OTOGL: variants seen among roughly 807,000 people sequenced by gnomAD.
The protein encoded by OTOGL is otogelin like, also known as otogelin-like protein.
Under a neutral mutation model 318.5 loss-of-function variants are expected in OTOGL, and 285 were observed. The observed-to-expected ratio is 0.89, with a 90% CI of 0.81 to 0.99. OTOGL has a LOEUF of 0.99. OTOGL is among the 50% of genes least tolerant of loss of function. The pLI is 0.00. For missense variants in OTOGL, 2,899 were observed against 2,845.6 expected (o/e 1.02, Z -0.43); for synonymous variants, 987 against 936.5 (o/e 1.05, Z -0.99).
chr12:80,318,670 TTA>T lies in OTOGL; in HGVS notation c.3761_3762del (p.Tyr1254PhefsTer24). 2 of 1,439,276 alleles carry T rather than the reference TTA, an allele frequency of 1.4e-6. No individual in the cohort carries two copies. Among genetic ancestry groups the T allele is most frequent in the African/African-American group, 3.0e-5 (2 of 67,776 alleles). 89.2% of individuals were successfully genotyped at this position (1,439,276 alleles called of 1,614,324 possible). A position where few individuals can be genotyped will look rare whatever the true frequency, so the allele number is the denominator to read the frequency against. ...GCAGTGTTCATACCAGTTTATTTTTTTATTTTATGATCACTCCAGGCCTTTTC... is the reference window on the plus strand; with the variant it reads ...GCAGTGTTCATACCAGTTTATTTTTTTTTTATGATCACTCCAGGCCTTTTC... ...RSSVHTSLFF[Y>X]FMITPGLFKE... On this transcript the variant is annotated frameshift_variant, in exon 33 of 59. Coordinates refer to ENST00000547103, the MANE Select transcript of OTOGL (RefSeq NM_001378609.3). LOFTEE classifies it high-confidence loss of function.
rs536126757 is a variant in OTOGL, at chr12:80,164,432, C to T, written c.-19-44981C>T. Among the ~76,000 whole-genome samples the T allele has an allele frequency of 1.8e-4, 28 of 152,206 alleles. 1 individual carries two copies. Among genetic ancestry groups the T allele is most frequent in the South Asian group, 2.1e-4 (1 of 4,820 alleles). The stretch of plus-strand genomic sequence containing the variant: ...TTCAGTCTCTTTCCTTGTTATAAGT[C>T]TGTTCAAATGTTCTATTTCTTCTTG... On this transcript the variant is annotated intron_variant, in intron 1 of 58. Transcript: ENST00000547103.
In OTOGL at chr12:80,339,111, T is replaced by C. The variant is rs1888588698; in HGVS notation, c.4897T>C (p.Ser1633Pro). 1.2e-6 allele frequency: 2 copies of C among 1,611,350 alleles called. No individual in the cohort carries two copies. The highest frequency in any genetic ancestry group is 2.2e-5 in the South Asian group (2 of 90,972). ...VDSIVVPLPFSSQELSIEDSG... is the reference protein window; with the variant it reads ...VDSIVVPLPFPSQELSIEDSG... ...TTCCATTGTTGTGCCTTTGCCCTTTTCAAGTCAGGAACTGTCCATAGAGGA... is the reference window on the plus strand; with the variant it reads ...TTCCATTGTTGTGCCTTTGCCCTTTCCAAGTCAGGAACTGTCCATAGAGGA... Residue 1633 changes from serine to proline, a missense_variant, in exon 43 of 59, where the codon TCA becomes CCA. Physicochemically the swap from Ser to Pro is moderately conservative, Grantham distance 74. Coordinates refer to ENST00000547103, the MANE Select transcript of OTOGL (RefSeq NM_001378609.3).
chr12:80,324,973 T>G (rs752250), intron 35 of OTOGL, among the ~76,000 whole-genome samples: 24,579 of 151,976 alleles, frequency 0.16, 4,902 homozygotes, highest in African/African-American at 0.47. Flanking sequence ...AATTGTTCAT[T>G]GGATTTAGCA....
intron 1 of OTOGL, among the ~76,000 whole-genome samples, chr12:80,171,305 C>T (rs554694003): frequency 6.6e-6 from 1 of 152,184 alleles, no homozygotes; most frequent in Non-Finnish European, 1.5e-5. Context: ...GTCTCAAACT[C>T]CTGGCCTCAA....
chr12:80,246,369 T>G (rs1467269661), intron 11 of OTOGL, among the ~76,000 whole-genome samples: 4 of 143,182 alleles, frequency 2.8e-5, no homozygotes, highest in Non-Finnish European at 6.0e-5. Flanking sequence ...GTTTTTAGCA[T>G]GAAGGGTTGT....
At chr12:80,355,505 C>T (rs984092056) in intron 46 of OTOGL, among the ~76,000 whole-genome samples, 2 of 151,614 alleles carry the variant, frequency 1.3e-5, no homozygotes, top group African/African-American at 2.4e-5. Context: ...ATTATAGGCA[C>T]GAGCCACTGC....
rs565000427 is a variant in OTOGL at position 80,273,772 on chromosome 12, T to C, written c.2681+1962T>C. Among the ~76,000 whole-genome samples the C allele has an allele frequency of 2.6e-5, 4 of 152,214 alleles. No individual in the cohort carries two copies. In the East Asian group the frequency reaches 7.7e-4, roughly 29 times the overall value. Reference sequence around the variant, plus strand: ...GTGGCAACCCTGCATCAAGCAAGTCTGTTGGTGCCATTTTCCAACAGCATG... The same window carrying C: ...GTGGCAACCCTGCATCAAGCAAGTCCGTTGGTGCCATTTTCCAACAGCATG... On this transcript the variant is annotated intron_variant, in intron 24 of 58. Transcript: ENST00000547103.
chr12:80,266,688 C>T, intron 21 of OTOGL, 72 bp downstream of exon 21: 2 of 1,396,378 alleles, frequency 1.4e-6, no homozygotes, highest in East Asian at 2.4e-5. Context: ...AATGAGCTTT[C>T]ATGGAAGTTT....
chr12:80,279,984 A>G (rs982180107), intron 26 of OTOGL, among the ~76,000 whole-genome samples: 6 of 151,780 alleles, frequency 4.0e-5, no homozygotes, highest in Non-Finnish European at 8.8e-5. Context: ...CTTTTTAATA[A>G]TAGCCATTTT....
intron 26 of OTOGL, among the ~76,000 whole-genome samples, chr12:80,280,185 T>G (rs972642885): frequency 6.6e-6 from 1 of 151,866 alleles, no homozygotes; most frequent in Middle Eastern, 3.2e-3. Flanking sequence ...CCTTGTAGAT[T>G]CTGGTTATTA....
At chr12:80,331,636 G>A (rs1410681635) in intron 37 of OTOGL, among the ~76,000 whole-genome samples, 1 of 151,936 alleles carries the variant, frequency 6.6e-6, no homozygotes, top group Admixed American at 6.6e-5. Context: ...CACCGTGCCC[G>A]GCCAGAAATA....
intron 1 of OTOGL, chr12:80,208,088 A>C (rs1442797778): frequency 2.2e-6 from 1 of 449,650 alleles, no homozygotes; most frequent in Non-Finnish European, 4.4e-6. Flanking sequence ...TGGAGGGGGG[A>C]CAGTCACATA....
chr12:80,269,960 C>T (rs1883277205), intron 22 of OTOGL, 142 bp from the exon 23 acceptor site: 1 of 674,816 alleles, frequency 1.5e-6, no homozygotes. Flanking sequence ...AACCCAACAG[C>T]TTGTAAAAAC....
intron 1 of OTOGL, among the ~76,000 whole-genome samples, chr12:80,128,868 C>T (rs1003443671): frequency 2.6e-5 from 4 of 152,130 alleles, no homozygotes; most frequent in Admixed American, 6.5e-5. Context: ...CCTGGTGTGC[C>T]GTTTGCTAAG....
chr12:80,276,391 A>T (rs575157363), intron 24 of OTOGL, among the ~76,000 whole-genome samples: 1 of 151,910 alleles, frequency 6.6e-6, no homozygotes, highest in Non-Finnish European at 1.5e-5. Context: ...CATAGTAAGC[A>T]GTCAAGAATA....
chr12:80,374,771 G>C (rs1162044742), intron 57 of OTOGL, among the ~76,000 whole-genome samples: 1 of 152,006 alleles, frequency 6.6e-6, no homozygotes, highest in African/African-American at 2.4e-5. Context: ...AGGGAAGTGA[G>C]TACAATTATG....
intron 56 of OTOGL, among the ~76,000 whole-genome samples, chr12:80,371,375 C>CGGCT (rs1391638111): frequency 6.6e-6 from 1 of 151,684 alleles, no homozygotes; most frequent in African/African-American, 2.4e-5. Flanking sequence ...TCAATGATGA[C>CGGCT]GGCTGGCTGG....
intron 22 of OTOGL, 139 bp from the exon 23 acceptor site, chr12:80,269,963 G>C (rs950421226): frequency 2.8e-6 from 2 of 710,582 alleles, no homozygotes; most frequent in Non-Finnish European, 4.6e-6. Context: ...CCAACAGCTT[G>C]TAAAAACTTC....
chr12:80,185,091 G>A (rs991837131), intron 1 of OTOGL, among the ~76,000 whole-genome samples: 14 of 152,080 alleles, frequency 9.2e-5, no homozygotes, highest in Admixed American at 7.9e-4. Flanking sequence ...ACACTGCCCC[G>A]GATGCCAATG....
Sources: allele counts gnomAD v4.1 joint callset (sites outside exome capture counted in the v4.1 genomes callset), GRCh38; gene constraint gnomAD v4.1.1; transcripts MANE v1.5; gene names NCBI Gene and HGNC (gene_info 2026-07-23, HGNC 2026-07-21).